TRHDE: variants seen among roughly 807,000 people sequenced by gnomAD.
TRHDE encodes the protein thyrotropin-releasing hormone-degrading ectoenzyme.
TRHDE carries 72 observed loss-of-function variants against 125.7 expected under a neutral mutation model. That is an observed-to-expected ratio of 0.57 (90% CI 0.47 to 0.70). The LOEUF (loss-of-function observed/expected upper bound fraction) is 0.70, where lower values mean the gene tolerates loss of function less well. Ranked by LOEUF, TRHDE falls within the 30% of genes least tolerant of loss-of-function variation. The pLI is 0.00. For synonymous variants in TRHDE, 509 were observed against 509.1 expected (o/e 1.00, Z 0.00); for missense variants, 1,110 against 1,327.1 (o/e 0.84, Z 2.54).
chr12:72,262,233 C>T (rs988261105), intron 2 of TRHDE, among the ~76,000 whole-genome samples: 3 of 152,162 alleles, frequency 2.0e-5, no homozygotes, highest in African/African-American at 7.2e-5. Context: ...GCAATCAGAT[C>T]TGAAGGCTCA....
intron 2 of TRHDE, among the ~76,000 whole-genome samples, chr12:72,208,740 AATT>A (rs1675362072): frequency 6.6e-6 from 1 of 152,168 alleles, no homozygotes; most frequent in Admixed American, 6.5e-5. Context: ...GACTGTTATT[AATT>A]ATTATTGTTT....
At chr12:72,468,540 A>G (rs1876493722) in intron 3 of TRHDE, among the ~76,000 whole-genome samples, 6 of 152,232 alleles carry the variant, frequency 3.9e-5, no homozygotes, top group Admixed American at 3.9e-4. Flanking sequence ...TGTAAACACT[A>G]TGCTTGGCAT....
intron 2 of TRHDE, among the ~76,000 whole-genome samples, chr12:72,151,071 A>G (rs1876351861): frequency 6.6e-6 from 1 of 152,066 alleles, no homozygotes; most frequent in African/African-American, 2.4e-5. Context: ...TTGTTTCCTG[A>G]CTTCTTAATG....
intron 6 of TRHDE, among the ~76,000 whole-genome samples, chr12:72,529,914 T>C (rs1166736312): frequency 6.6e-6 from 1 of 152,184 alleles, no homozygotes; most frequent in Non-Finnish European, 1.5e-5. Flanking sequence ...TCCAACCCTG[T>C]GCATCTCACC....
At chr12:72,393,097 C>T (rs528145552) in intron 3 of TRHDE, among the ~76,000 whole-genome samples, 11 of 152,042 alleles carry the variant, frequency 7.2e-5, no homozygotes, top group Non-Finnish European at 1.2e-4. Flanking sequence ...GACATATTTA[C>T]GCAAAGACTC....
chr12:72,278,421 G>A (rs573701300), intron 1 of TRHDE, among the ~76,000 whole-genome samples: 4 of 152,114 alleles, frequency 2.6e-5, no homozygotes, highest in Non-Finnish European at 4.4e-5. Context: ...TCCTCAACAT[G>A]ATGATTTCTT....
intron 15 of TRHDE, among the ~76,000 whole-genome samples, chr12:72,632,851 G>A (rs945216937): frequency 1.3e-5 from 2 of 150,650 alleles, no homozygotes; most frequent in Admixed American, 6.6e-5. Flanking sequence ...TTTGGCCTCT[G>A]TGCATTTCTC....
intron 9 of TRHDE, among the ~76,000 whole-genome samples, chr12:72,567,817 T>G (rs1870522849): frequency 1.3e-5 from 2 of 152,102 alleles, no homozygotes; most frequent in South Asian, 4.1e-4. Context: ...TCTCTGGCTA[T>G]TCATTTGAGA....
intron 2 of TRHDE, among the ~76,000 whole-genome samples, chr12:72,131,227 A>T (rs1173594828): frequency 6.6e-6 from 1 of 150,878 alleles, no homozygotes; most frequent in Non-Finnish European, 1.5e-5. Context: ...GCCCGCCACC[A>T]CGCCCGGCTA....
At chr12:72,104,890 T>A (rs1157269311) in intron 1 of TRHDE, among the ~76,000 whole-genome samples, 1 of 152,192 alleles carries the variant, frequency 6.6e-6, no homozygotes, top group Admixed American at 6.5e-5. Context: ...TATTTCCACT[T>A]CACATCTCTC....
intron 2 of TRHDE, among the ~76,000 whole-genome samples, chr12:72,341,982 C>T (rs1041932430): frequency 6.6e-6 from 1 of 151,696 alleles, no homozygotes; most frequent in Non-Finnish European, 1.5e-5. Flanking sequence ...GGAAATAAGT[C>T]AGTATTAGGA....
chr12:72,155,893 G>T (rs368815437), intron 2 of TRHDE, among the ~76,000 whole-genome samples: 1 of 152,190 alleles, frequency 6.6e-6, no homozygotes, highest in African/African-American at 2.4e-5. Context: ...CTAGCTGCGT[G>T]CTGGGAGAAC....
At chr12:72,139,391 C>T (rs1876061265) in intron 2 of TRHDE, among the ~76,000 whole-genome samples, 1 of 151,938 alleles carries the variant, frequency 6.6e-6, no homozygotes, top group African/African-American at 2.4e-5. Context: ...GTCATACTTG[C>T]ATGACTTTAA....
intron 1 of TRHDE, among the ~76,000 whole-genome samples, chr12:72,104,737 A>G (rs1875144168): frequency 6.6e-6 from 1 of 152,200 alleles, no homozygotes; most frequent in African/African-American, 2.4e-5. Flanking sequence ...ATTTTCCAGT[A>G]TCCATGCCAC....
At chr12:72,323,584 A>T (rs1869197718) in intron 2 of TRHDE, among the ~76,000 whole-genome samples, 3 of 152,044 alleles carry the variant, frequency 2.0e-5, no homozygotes, top group Non-Finnish European at 4.4e-5. Context: ...AGTTCCACAA[A>T]TGGCTGGATT....
chr12:72,139,839 T>A (rs953612460), intron 2 of TRHDE, among the ~76,000 whole-genome samples: 1 of 152,158 alleles, frequency 6.6e-6, no homozygotes, highest in Non-Finnish European at 1.5e-5. Context: ...CTAGTTCTGG[T>A]CATGATGGGA....
At position 72,212,032 on chromosome 12, in the gene TRHDE, A is replaced by G. The variant is rs35594139; in HGVS notation, n.279+106280A>G. ...TACATGCATACCTATACATATATAC[A>G]CAAAAATTAGAATACATTCACAGAA... On this transcript the variant is annotated intron_variant and non_coding_transcript_variant, in intron 2 of 4. Coordinates refer to the TRHDE transcript ENST00000548156. Among the ~76,000 whole-genome samples, 4 of 152,300 alleles carry G rather than the reference A, an allele frequency of 2.6e-5. No homozygotes were observed. In the East Asian group the frequency reaches 5.8e-4, roughly 22 times the overall value.
intron 3 of TRHDE, among the ~76,000 whole-genome samples, chr12:72,410,699 A>C (rs1201315428): frequency 6.6e-6 from 1 of 152,138 alleles, no homozygotes; most frequent in Non-Finnish European, 1.5e-5. Context: ...TAGGATCAGC[A>C]TCATTAATAT....
chr12:72,603,639 G>A (rs1385862831), intron 12 of TRHDE, among the ~76,000 whole-genome samples: 1 of 152,030 alleles, frequency 6.6e-6, no homozygotes, highest in South Asian at 2.1e-4. Flanking sequence ...GCAGGAGAAC[G>A]GCGAGAAACG....
Sources: gnomAD v4.1 joint callset for allele counts (sites outside exome capture counted in the v4.1 genomes callset) on GRCh38, gnomAD v4.1.1 for gene constraint, MANE v1.5 for transcripts, NCBI Gene and HGNC (gene_info 2026-07-23, HGNC 2026-07-21) for gene names.